DIP2A: variants seen among roughly 807,000 people sequenced by gnomAD.
The protein encoded by DIP2A is DIP2 acetate--CoA ligase A.
A neutral mutation model predicts 177.4 loss-of-function variants in DIP2A; 85 were observed. The ratio of observed to expected loss-of-function variants is 0.48; its 90% CI spans 0.40 to 0.57. The LOEUF is 0.57. Ranked by LOEUF, DIP2A falls within the 20% of genes least tolerant of loss-of-function variation. The pLI is 0.00. For missense variants in DIP2A, 1,791 were observed against 2,100.2 expected, an observed-to-expected ratio of 0.85 and a Z score of 2.88; for synonymous variants, 886 against 881.8, an observed-to-expected ratio of 1.00 and a Z score of -0.08.
Position 46,563,229 on chromosome 21 carries a change from C to T in DIP2A, c.4090-629C>T, listed in dbSNP as rs910788408. ...GCCCGTCGTCCCCTCCTCTTGCCTG[C>T]CCTGAGCCTGCAGTGTCATTGCCCC... On this transcript the variant is annotated intron_variant, in intron 34 of 37. Transcript: ENST00000417564. This position sits in a 1 kb window ranked among gnomAD's most constrained non-coding sequence, Gnocchi z 4.3. Among the ~76,000 whole-genome samples, 5 of 152,158 alleles carry T rather than the reference C, an allele frequency of 3.3e-5. No individual in the cohort carries two copies. Among genetic ancestry groups the T allele is most frequent in the African/African-American group, 1.2e-4 (5 of 41,442 alleles).
intron 8 of DIP2A, among the ~76,000 whole-genome samples, chr21:46,525,195 G>A (rs200069644): frequency 4.9e-3 from 2 of 412 alleles, no homozygotes; most frequent in Admixed American, 0.026. Context: ...CCCGATTTTT[G>A]CTTTTATGTT....
chr21:46,522,170 A>G (rs1450203959), intron 8 of DIP2A, among the ~76,000 whole-genome samples: 1 of 152,258 alleles, frequency 6.6e-6, no homozygotes, highest in Non-Finnish European at 1.5e-5. Flanking sequence ...CTTAAGTCAC[A>G]TGAACTAAAA....
intron 5 of DIP2A, among the ~76,000 whole-genome samples, chr21:46,500,098 CTG>C: frequency 6.6e-6 from 1 of 152,298 alleles, no homozygotes; most frequent in South Asian, 2.1e-4. Context: ...TCATCATCCT[CTG>C]TAGTGTGCAT....
chr21:46,562,593 G>T (rs1003753924), intron 34 of DIP2A, among the ~76,000 whole-genome samples: 9 of 152,152 alleles, frequency 5.9e-5, no homozygotes, highest in Admixed American at 2.6e-4. Flanking sequence ...GGGTGAGACT[G>T]CGGACAGAAG....
At chr21:46,577,307 A>G in the DIP2A span, among the ~76,000 whole-genome samples, 1 of 152,302 alleles carries the variant, frequency 6.6e-6, no homozygotes, top group Non-Finnish European at 1.5e-5. Flanking sequence ...TAATTTTTGT[A>G]TAAGGTGTAA....
At chr21:46,551,263 T>G (rs1226879931) in intron 23 of DIP2A, among the ~76,000 whole-genome samples, 1 of 152,098 alleles carries the variant, frequency 6.6e-6, no homozygotes, top group Admixed American at 6.6e-5. Flanking sequence ...ATGCCAAAGT[T>G]TTTTTTTATT....
At chr21:46,559,769 CTGTG>C (rs1480061475) in intron 32 of DIP2A, among the ~76,000 whole-genome samples, 1 of 152,200 alleles carries the variant, frequency 6.6e-6, no homozygotes, top group Non-Finnish European at 1.5e-5. Context: ...GCTGCTGCTT[CTGTG>C]TGTGTTTCCT....
Position 46,529,102 on chromosome 21 carries a change from G to A in DIP2A, c.1113G>A (p.Trp371Ter). The change falls in exon 9 of 38, where the codon TGG (tryptophan) becomes TGA (stop). Residue 371 changes from tryptophan to a stop codon, truncating the protein, a stop_gained. Coordinates refer to ENST00000417564, the MANE Select transcript of DIP2A (RefSeq NM_015151.4). LOFTEE classifies it high-confidence loss of function. ...TTTATTTTGTTTTAGGTAAACTTTG[G>A]AGTCGGAGTTTAAAACTAGCTTATA... ...AVYTLTYGKL[W>*]SRSLKLAYTL... 6.6e-7 allele frequency: 1 copy of A among 1,506,760 alleles called. No homozygotes were observed. The allele number at this position is 1,506,760 out of a possible 1,614,324, so 93.3% of individuals were successfully genotyped here.
At chr21:46,550,856 G>A in intron 23 of DIP2A, 112 bp downstream of exon 23, 1 of 1,141,176 alleles carries the variant, frequency 8.8e-7, no homozygotes, top group Non-Finnish European at 1.3e-6. Context: ...CACGTCTTTG[G>A]GGCTGGGGTC....
chr21:46,561,568 G>T, intron 33 of DIP2A, 180 bp from the exon 34 acceptor site: 1 of 798,002 alleles, frequency 1.3e-6, no homozygotes, highest in Non-Finnish European at 2.1e-6. Context: ...GCGGCACTTG[G>T]GACCGCAGCG....
the DIP2A span, among the ~76,000 whole-genome samples, chr21:46,579,500 G>C: frequency 2.0e-5 from 3 of 152,038 alleles, no homozygotes; most frequent in East Asian, 5.8e-4. Context: ...GCTAGCTTTG[G>C]GGTTTGTTTG....
rs565369424 is a variant in DIP2A, at chr21:46,558,419, C to G, written c.3969+26C>G. 5 of 1,557,032 alleles carry G rather than the reference C, an allele frequency of 3.2e-6. No individual in the cohort carries two copies. The East Asian group carries it at 1.2e-4, about 37-fold the overall frequency. ...GTGAGGTGCCTGGGGCTGCGGTTCT[C>G]GAAAGCTGGCTGTTGGCAGCATGGA... On this transcript the variant is annotated intron_variant, in intron 32 of 37. Coordinates refer to ENST00000417564, the MANE Select transcript of DIP2A (RefSeq NM_015151.4).
At chr21:46,536,847 T>C (rs1212489582) in intron 13 of DIP2A, among the ~76,000 whole-genome samples, 1 of 150,958 alleles carries the variant, frequency 6.6e-6, no homozygotes, top group Non-Finnish European at 1.5e-5. Flanking sequence ...GAGGTTGCAG[T>C]GAGCTGAGAT....
At chr21:46,503,898 G>A (rs965919628) in intron 5 of DIP2A, among the ~76,000 whole-genome samples, 1 of 152,102 alleles carries the variant, frequency 6.6e-6, no homozygotes, top group African/African-American at 2.4e-5. Context: ...GCTGATTTTT[G>A]TATTTTTAGT....
Position 46,545,121 on chromosome 21 carries a change from T to G in DIP2A, c.2177-16T>G. The G allele has an allele frequency of 6.4e-7, 1 of 1,568,884 alleles. No homozygotes were observed. The highest frequency in any genetic ancestry group is 2.3e-5 in the East Asian group (1 of 43,854). ...AACACGTTCTTGATAATTTTGAGTT[T>G]TTTTTCTCATTTTAGCTAATGTATG... On this transcript the variant is annotated splice_polypyrimidine_tract_variant and intron_variant, in intron 18 of 37. Transcript: ENST00000417564.
In DIP2A at chr21:46,563,292, C is replaced by T. The variant is rs138925665; in HGVS notation, c.4090-566C>T. ...GAGGAAACTGAGGACACAGAACAAG[C>T]ATCCAGGCCTTGTGCAGTCAGGTGG... On this transcript the variant is annotated intron_variant, in intron 34 of 37. Transcript: ENST00000417564. The surrounding 1 kb of genome is among the most constrained non-coding windows in gnomAD (Gnocchi z 4.3). Among the ~76,000 whole-genome samples, 120 of 152,340 alleles carry T rather than the reference C, an allele frequency of 7.9e-4. No homozygotes were observed. The highest frequency in any genetic ancestry group is 1.3e-3 in the Non-Finnish European group (90 of 68,014).
intron 1 of DIP2A, among the ~76,000 whole-genome samples, chr21:46,470,322 A>G (rs1048003639): frequency 5.3e-5 from 8 of 152,178 alleles, no homozygotes; most frequent in African/African-American, 9.7e-5. Context: ...TAAAAATACA[A>G]TATTAGCCAG....
At chr21:46,528,133 C>G (rs747620771) in intron 8 of DIP2A, among the ~76,000 whole-genome samples, 1 of 152,072 alleles carries the variant, frequency 6.6e-6, no homozygotes, top group Non-Finnish European at 1.5e-5. Context: ...CATTGATACC[C>G]GGATCACCTT....
chr21:46,563,750 A>G lies in DIP2A; in HGVS notation c.4090-108A>G. 2.7e-6 allele frequency: 4 copies of G among 1,499,164 alleles called. No homozygotes were observed. The highest frequency in any genetic ancestry group is 3.6e-6 in the Non-Finnish European group (4 of 1,120,200). The allele number at this position is 1,499,164 out of a possible 1,614,324, so 92.9% of individuals were successfully genotyped here. On this transcript the variant is annotated intron_variant, in intron 34 of 37. Coordinates refer to ENST00000417564, the MANE Select transcript of DIP2A (RefSeq NM_015151.4). This position sits in a 1 kb window ranked among gnomAD's most constrained non-coding sequence, Gnocchi z 4.3. Reference sequence around the variant, plus strand: ...AAACTTCCTGACCTGACATGAGCACATCAGTCCTGCAGGCCAGCTTCTGAG... The same window carrying G: ...AAACTTCCTGACCTGACATGAGCACGTCAGTCCTGCAGGCCAGCTTCTGAG...
Sources: allele counts gnomAD v4.1 joint callset (sites outside exome capture counted in the v4.1 genomes callset), GRCh38; gene constraint gnomAD v4.1.1; non-coding constraint Gnocchi (gnomAD v3.1); transcripts MANE v1.5; gene names NCBI Gene and HGNC (gene_info 2026-07-23, HGNC 2026-07-21).